ADRA1A: variants seen among roughly 807,000 people sequenced by gnomAD.
The protein encoded by ADRA1A is adrenoceptor alpha 1A, also known as alpha-1A adrenergic receptor.
ADRA1A carries 31 observed loss-of-function variants against 29.6 expected under a neutral mutation model. The ratio of observed to expected loss-of-function variants is 1.05; its 90% CI spans 0.79 to 1.41. ADRA1A has a LOEUF of 1.41. ADRA1A is among the 40% of genes most tolerant of loss of function. ADRA1A has a pLI of 0.00. For synonymous variants in ADRA1A, 311 were observed against 254.3 expected (o/e 1.22, Z -2.12); for missense variants, 619 against 601.1 (o/e 1.03, Z -0.31).
rs184094273 is a variant in ADRA1A, at chr8:26,836,719, C to A, written c.883+27368G>T. On this transcript the variant is annotated intron_variant, in intron 2 of 2. Coordinates refer to ENST00000380573, the MANE Select transcript of ADRA1A (RefSeq NM_000680.4). ...AACACATATAAGAGCAAATAAGTAG[C>A]GTCTTATAGGCCAAGTTTACAAAAA... is the stretch of plus-strand genomic sequence containing the variant. Among the ~76,000 whole-genome samples the A allele has an allele frequency of 1.3e-4, 20 of 152,238 alleles. No individual in the cohort carries two copies. In the East Asian group the frequency reaches 3.7e-3, roughly 28 times the overall value.
chr8:26,847,030 G>T (rs746060643), intron 2 of ADRA1A, among the ~76,000 whole-genome samples: 4 of 152,042 alleles, frequency 2.6e-5, no homozygotes, highest in Non-Finnish European at 5.9e-5. Context: ...GAGAACACAT[G>T]GACACAGGAA....
At chr8:26,788,609 A>G (rs540371020) in intron 2 of ADRA1A, among the ~76,000 whole-genome samples, 39 of 152,268 alleles carry the variant, frequency 2.6e-4, no homozygotes, top group Non-Finnish European at 4.4e-4. Flanking sequence ...GCACCACCTC[A>G]TCTCCTCATA....
intron 2 of ADRA1A, among the ~76,000 whole-genome samples, chr8:26,858,055 C>T (rs919693386): frequency 1.6e-4 from 25 of 152,202 alleles, no homozygotes; most frequent in Non-Finnish European, 1.2e-4. Context: ...GATAAATCCA[C>T]TGCCAGCTGT....
At chr8:26,768,600 A>C (rs1476887497), downstream of ADRA1A, among the ~76,000 whole-genome samples, 1 of 152,236 alleles carries the variant, frequency 6.6e-6, no homozygotes, top group Non-Finnish European at 1.5e-5. Context: ...GGTTGCAGTC[A>C]AAAACAGTCA....
In ADRA1A at chr8:26,833,271, G is replaced by A. The variant is rs117393767; in HGVS notation, c.883+30816C>T. 3.0e-3 allele frequency among the ~76,000 whole-genome samples: 454 copies of A among 152,160 alleles called. 6 individuals are homozygous for A. Among genetic ancestry groups the A allele is most frequent in the Admixed American group, 0.025 (384 of 15,280 alleles). On this transcript the variant is annotated intron_variant, in intron 2 of 2. Transcript: ENST00000380573. ...TGGCCGGATGATTTCCCTTGACCTC[G>A]CCACATGGAAGCCATGCAACCCAGC...
At chr8:26,816,477 A>G (rs1370016457) in intron 2 of ADRA1A, among the ~76,000 whole-genome samples, 2 of 152,144 alleles carry the variant, frequency 1.3e-5, no homozygotes, top group Non-Finnish European at 2.9e-5. Flanking sequence ...GTAACAAGTA[A>G]CAGTGGTCTA....
intron 2 of ADRA1A, among the ~76,000 whole-genome samples, chr8:26,803,356 CT>C (rs1808736407): frequency 6.6e-6 from 1 of 151,880 alleles, no homozygotes. Flanking sequence ...TAAATGTATC[CT>C]ACTATGTATC....
Position 26,866,854 on chromosome 8 carries a change from G to T in ADRA1A, c.-687+82C>A. On this transcript the variant is annotated intron_variant, in intron 1 of 2. Coordinates refer to ENST00000380573, the MANE Select transcript of ADRA1A (RefSeq NM_000680.4). The surrounding 1 kb of genome is among the most constrained non-coding windows in gnomAD (Gnocchi z 5.7). ...AAAAGCGGGAGGCGCTGGGAAAAGT[G>T]GGGGTTCCGTCTCACCAGACGGCGG... 1.0e-6 allele frequency: 1 copy of T among 985,550 alleles called. No homozygotes were observed. Among genetic ancestry groups the T allele is most frequent in the Non-Finnish European group, 1.2e-6 (1 of 830,022 alleles). 61.1% of individuals were successfully genotyped at this position (985,550 alleles called of 1,614,324 possible).
chr8:26,801,874 T>C (rs528391564), intron 2 of ADRA1A, among the ~76,000 whole-genome samples: 2 of 152,084 alleles, frequency 1.3e-5, no homozygotes, highest in African/African-American at 4.8e-5. Flanking sequence ...CATAACAACA[T>C]GGTACCGGCA....
intron 2 of ADRA1A, among the ~76,000 whole-genome samples, chr8:26,832,096 G>A (rs1337393383): frequency 1.3e-5 from 2 of 152,244 alleles, no homozygotes; most frequent in Non-Finnish European, 2.9e-5. Context: ...CACAAGGGAA[G>A]GGAGGAGATT....
intron 2 of ADRA1A, among the ~76,000 whole-genome samples, chr8:26,828,727 A>T (rs181343231): frequency 6.6e-6 from 1 of 152,248 alleles, no homozygotes; most frequent in Admixed American, 6.6e-5. Context: ...ATGAAGTCAC[A>T]GGGTGAATAT....
intron 2 of ADRA1A, among the ~76,000 whole-genome samples, chr8:26,812,777 G>A (rs1585742728): frequency 6.6e-6 from 1 of 151,764 alleles, no homozygotes; most frequent in South Asian, 2.1e-4. Context: ...CCATTCTCCT[G>A]CCTCAGCCTC....
chr8:26,755,478 G>T (rs1015288295), downstream of ADRA1A, among the ~76,000 whole-genome samples: 1 of 152,144 alleles, frequency 6.6e-6, no homozygotes, highest in Non-Finnish European at 1.5e-5. Context: ...CATGATAAGC[G>T]AGACTGACTT....
In ADRA1A at chr8:26,834,026, T is replaced by G. The variant is rs533166958; in HGVS notation, c.883+30061A>C. On this transcript the variant is annotated intron_variant, in intron 2 of 2. Transcript: ENST00000380573. ...AAAAGTTATTAGCTGGAAAAAGTTA[T>G]TAGTAGTATGTAATAAGAAAGCAGG... Among the ~76,000 whole-genome samples, 209 of 152,332 alleles carry G rather than the reference T, an allele frequency of 1.4e-3. 1 individual carries two copies. Among genetic ancestry groups the G allele is most frequent in the African/African-American group, 4.9e-3 (202 of 41,588 alleles).
chr8:26,766,284 AATACAACACCCG>A, downstream of ADRA1A: 1 of 678,468 alleles, frequency 1.5e-6, no homozygotes, highest in Non-Finnish European at 2.6e-6. Flanking sequence ...CAATAACTTC[AATACAACACCCG>A]ATATGTGTCC....
downstream of ADRA1A, among the ~76,000 whole-genome samples, chr8:26,764,593 G>T (rs991508624): frequency 3.3e-5 from 5 of 152,178 alleles, no homozygotes; most frequent in Admixed American, 3.3e-4. Flanking sequence ...TGGATTTGGG[G>T]ATATTCAAAG....
Position 26,769,250 on chromosome 8 carries a change from A to T in ADRA1A, c.*899T>A, listed in dbSNP as rs974982542. ...GTAAGCCATGTTGAAATGGCTGTGC[A>T]GTAAGTGAACAGCCTCTATCTTTGC... is the stretch of plus-strand genomic sequence containing the variant. On this transcript the variant is annotated 3_prime_UTR_variant, in exon 3 of 3. Coordinates refer to ENST00000380573, the MANE Select transcript of ADRA1A (RefSeq NM_000680.4). 9 of 985,428 alleles carry T rather than the reference A, an allele frequency of 9.1e-6. No homozygotes were observed. Among genetic ancestry groups the T allele is most frequent in the Non-Finnish European group, 1.1e-5 (9 of 829,918 alleles). 61.0% of individuals were successfully genotyped at this position (985,428 alleles called of 1,614,324 possible). A position where few individuals can be genotyped will look rare whatever the true frequency, so the allele number is the denominator to read the frequency against.
At chr8:26,751,010 G>A (rs1175204557) in intron 2 of ADRA1A, among the ~76,000 whole-genome samples, 3 of 151,712 alleles carry the variant, frequency 2.0e-5, no homozygotes, top group African/African-American at 4.8e-5. Context: ...CGGAGGTTGT[G>A]GAGAGCCGAG....
At chr8:26,797,684 A>G (rs1808276678) in intron 2 of ADRA1A, among the ~76,000 whole-genome samples, 1 of 152,152 alleles carries the variant, frequency 6.6e-6, no homozygotes, top group Non-Finnish European at 1.5e-5. Context: ...CAGAGTCTAC[A>G]TACACAAAAA....
Sources: gnomAD v4.1 joint callset for allele counts (sites outside exome capture counted in the v4.1 genomes callset) on GRCh38, gnomAD v4.1.1 for gene constraint, Gnocchi (gnomAD v3.1) non-coding constraint, MANE v1.5 for transcripts, NCBI Gene and HGNC (gene_info 2026-07-23, HGNC 2026-07-21) for gene names.